ELMOD3: variants seen among roughly 807,000 people sequenced by gnomAD.
ELMOD3 encodes the protein ELMO domain-containing protein 3.
ELMOD3 carries 36 observed loss-of-function variants against 47.4 expected under a neutral mutation model. That is an observed-to-expected ratio of 0.76 (90% CI 0.58 to 1.00). The LOEUF (loss-of-function observed/expected upper bound fraction) is 1.00. Ranked by LOEUF, ELMOD3 falls within the 50% of genes least tolerant of loss-of-function variation. The pLI is 0.00. For synonymous variants in ELMOD3, 149 were observed against 183.5 expected, an observed-to-expected ratio of 0.81 and a Z score of 1.52; for missense variants, 404 against 463.8, an observed-to-expected ratio of 0.87 and a Z score of 1.18.
intron 5 of ELMOD3, 144 bp downstream of exon 5, chr2:85,362,404 G>A: frequency 1.6e-6 from 1 of 633,212 alleles, no homozygotes; most frequent in Admixed American, 2.6e-5. Flanking sequence ...GGGAGTGAGG[G>A]GAGGGTGTAT....
At chr2:85,375,209 G>A (rs1685085129) in intron 10 of ELMOD3, among the ~76,000 whole-genome samples, 1 of 152,208 alleles carries the variant, frequency 6.6e-6, no homozygotes, top group Admixed American at 6.5e-5. Flanking sequence ...GTAGGTTTGT[G>A]TCTTTTGCCA....
intron 11 of ELMOD3, among the ~76,000 whole-genome samples, chr2:85,388,375 G>A (rs1398688200): frequency 6.6e-6 from 1 of 152,184 alleles, no homozygotes; most frequent in Non-Finnish European, 1.5e-5. Flanking sequence ...TGTCAGCCAT[G>A]GCCTGATCTA....
intron 6 of ELMOD3, chr2:85,367,572 G>A (rs1347186623): frequency 6.6e-6 from 1 of 152,222 alleles, no homozygotes; most frequent in Non-Finnish European, 1.5e-5. Context: ...ATTTAAGTCA[G>A]AAGTGCATTT....
chr2:85,390,785 C>T lies in ELMOD3; in HGVS notation c.969C>T (p.Ser323=). Residue 323 remains serine (S), a synonymous_variant, in exon 14 of 14, where the codon AGC becomes AGT. Transcript: ENST00000409013. The stretch of plus-strand genomic sequence containing the variant: ...AGTTGGAAGTATTGGCCAAGAAGAG[C>T]CCACGGCGGCTGCTCAAGACCCTGG... The part of the protein sequence containing the change: ...LKELEVLAKK[S]PRRLLKTLEL... 1 of 1,551,372 alleles carries T rather than the reference C, an allele frequency of 6.4e-7. No homozygotes were observed. Among genetic ancestry groups the T allele is most frequent in the Non-Finnish European group, 8.7e-7 (1 of 1,146,990 alleles).
chr2:85,367,785 T>G (rs1209484528), intron 6 of ELMOD3: 1 of 152,254 alleles, frequency 6.6e-6, no homozygotes, highest in Non-Finnish European at 1.5e-5. Context: ...GGAACTGTCA[T>G]GAGTTGGGGA....
In ELMOD3 at chr2:85,389,318, A is replaced by AAGGGGAGAGGAGACTTAAG. The variant is rs1333310239; in HGVS notation, c.739-417_739-416insAAGAGGGGAGAGGAGACTT. 6.6e-5 allele frequency among the ~76,000 whole-genome samples: 10 copies of AAGGGGAGAGGAGACTTAAG among 152,288 alleles called. No individual in the cohort carries two copies. In the East Asian group the frequency reaches 1.5e-3, roughly 23 times the overall value. ...CAGCCAGACAACCAGAAGCCCAAAGAAGGGGAGAGGAGACTTTAAGAACCC... is the reference window on the plus strand; with the variant it reads ...CAGCCAGACAACCAGAAGCCCAAAGAAGGGGAGAGGAGACTTAAGAGGGGAGAGGAGACTTTAAGAACCC... On this transcript the variant is annotated intron_variant, in intron 11 of 13. Transcript: ENST00000409013.
At chr2:85,369,950 G>A in intron 8 of ELMOD3, 120 bp downstream of exon 8, 1 of 1,275,836 alleles carries the variant, frequency 7.8e-7, no homozygotes, top group Non-Finnish European at 1.1e-6. Context: ...TTGGTGCCCA[G>A]GATCATGGGT....
chr2:85,368,642 C>T (rs1273372021), intron 6 of ELMOD3, 44 bp from the exon 7 acceptor site: 10 of 1,603,576 alleles, frequency 6.2e-6, no homozygotes, highest in Non-Finnish European at 7.7e-6. Context: ...GAGGCCCAGA[C>T]ATACCTAGAT....
intron 6 of ELMOD3, among the ~76,000 whole-genome samples, chr2:85,363,931 G>A (rs1684160617): frequency 6.6e-6 from 1 of 152,064 alleles, no homozygotes. Flanking sequence ...TTTAGGCGGG[G>A]ACACAGAGCC....
At chr2:85,384,808 GTCT>G (rs980652985) in intron 11 of ELMOD3, among the ~76,000 whole-genome samples, 4 of 152,006 alleles carry the variant, frequency 2.6e-5, no homozygotes, top group African/African-American at 9.7e-5. Context: ...CCTGCCATCT[GTCT>G]ATCCCATATT....
Position 85,376,980 on chromosome 2 carries a change from T to G in ELMOD3, c.608-364T>G, listed in dbSNP as rs145605994. On this transcript the variant is annotated intron_variant, in intron 10 of 13. Transcript: ENST00000409013. The surrounding 1 kb of genome is among the most constrained non-coding windows in gnomAD (Gnocchi z 4.2). ...TTTTATATAGTAATGTCCAGGGCTT[T>G]AGCTGTACTTAGTGGGAGGAATAGG... is the stretch of plus-strand genomic sequence containing the variant. 299 of 156,940 alleles carry G rather than the reference T, an allele frequency of 1.9e-3. 1 individual carries two copies. Among genetic ancestry groups the G allele is most frequent in the African/African-American group, 6.6e-3 (275 of 41,800 alleles). The allele number at this position is 156,940 out of a possible 1,614,324, so 9.7% of individuals were successfully genotyped here.
chr2:85,387,264 T>C (rs1330686712), intron 11 of ELMOD3: 34 of 1,139,934 alleles, frequency 3.0e-5, no homozygotes, highest in Non-Finnish European at 3.4e-5. Flanking sequence ...AATACCTACT[T>C]GGGCCAGGTG....
chr2:85,379,932 C>T (rs7585585), intron 11 of ELMOD3, among the ~76,000 whole-genome samples: 72,066 of 151,910 alleles, frequency 0.47, 18,232 homozygotes, highest in African/African-American at 0.65. Flanking sequence ...CCTGGGCCTG[C>T]CATAAAGTAA....
intron 10 of ELMOD3, among the ~76,000 whole-genome samples, chr2:85,374,113 C>T (rs1684999681): frequency 6.6e-6 from 1 of 151,976 alleles, no homozygotes; most frequent in Admixed American, 6.6e-5. Flanking sequence ...GTGCTACTTC[C>T]TTCTGGCCTG....
At chr2:85,370,419 T>TAAA (rs569181155) in intron 8 of ELMOD3, among the ~76,000 whole-genome samples, 3 of 121,356 alleles carry the variant, frequency 2.5e-5, no homozygotes, top group Non-Finnish European at 3.5e-5. Context: ...CCTGTCTCCG[T>TAAA]AAAAAAAAAA....
intron 7 of ELMOD3, 62 bp downstream of exon 7, chr2:85,368,816 C>T: frequency 1.9e-6 from 3 of 1,554,186 alleles, no homozygotes; most frequent in East Asian, 2.2e-5. Context: ...ACCATCCACA[C>T]ATGTGGCAAA....
intron 6 of ELMOD3, among the ~76,000 whole-genome samples, chr2:85,366,933 A>G (rs1684426588): frequency 6.6e-6 from 1 of 152,096 alleles, no homozygotes; most frequent in African/African-American, 2.4e-5. Flanking sequence ...CACATTGTTG[A>G]TGTCCTCTGT....
intron 11 of ELMOD3, among the ~76,000 whole-genome samples, chr2:85,381,700 C>T (rs1685549765): frequency 6.6e-6 from 1 of 152,192 alleles, no homozygotes; most frequent in South Asian, 2.1e-4. Context: ...ACCTCTTCCG[C>T]AATAGTCCCT....
chr2:85,364,358 G>A (rs1482330563), intron 6 of ELMOD3, among the ~76,000 whole-genome samples: 1 of 151,932 alleles, frequency 6.6e-6, no homozygotes, highest in Non-Finnish European at 1.5e-5. Flanking sequence ...GGCTGAAGCA[G>A]GCAAATCACG....
Sources: allele counts gnomAD v4.1 joint callset (sites outside exome capture counted in the v4.1 genomes callset), GRCh38; gene constraint gnomAD v4.1.1; non-coding constraint Gnocchi (gnomAD v3.1); transcripts MANE v1.5; gene names NCBI Gene and HGNC (gene_info 2026-07-23, HGNC 2026-07-21).